The following IGFBP7 variants were observed in gnomAD, a reference collection of about 807,000 sequenced individuals.
IGFBP7 encodes insulin like growth factor binding protein 7, also known as insulin-like growth factor-binding protein 7.
IGFBP7 carries 31 observed loss-of-function variants against 29.4 expected under a neutral mutation model. The observed-to-expected ratio is 1.05, with a 90% confidence interval of 0.79 to 1.42. IGFBP7 has a LOEUF of 1.42. Ranked by LOEUF, IGFBP7 falls within the 40% of genes most tolerant of loss-of-function variation. The pLI is 0.00. For synonymous variants in IGFBP7, 172 were observed against 174.9 expected (o/e 0.98, Z 0.13); for missense variants, 393 against 395.5 (o/e 0.99, Z 0.05).
chr4:57,053,026 T>C (rs1408463114), intron 1 of IGFBP7, among the ~76,000 whole-genome samples: 1 of 151,572 alleles, frequency 6.6e-6, no homozygotes, highest in African/African-American at 2.4e-5. Flanking sequence ...TATCTTTTTT[T>C]TTTTTTTTGA....
chr4:57,055,833 G>A (rs2109760228), intron 1 of IGFBP7, among the ~76,000 whole-genome samples: 1 of 152,126 alleles, frequency 6.6e-6, no homozygotes, highest in East Asian at 1.9e-4. Context: ...CTCATTTCTG[G>A]TCCGATTGCC....
chr4:57,088,393 G>C (rs11722333), intron 1 of IGFBP7, among the ~76,000 whole-genome samples: 69,286 of 151,944 alleles, frequency 0.46, 17,401 homozygotes, highest in Admixed American at 0.59. Flanking sequence ...AAAATATTGA[G>C]GTTCCGACCA....
intron 1 of IGFBP7, among the ~76,000 whole-genome samples, chr4:57,050,310 T>C (rs1410720385): frequency 6.6e-6 from 1 of 150,872 alleles, no homozygotes; most frequent in Admixed American, 6.6e-5. Flanking sequence ...AGTTGTGCAA[T>C]CTCGGCTCAC....
At chr4:57,052,367 AC>A (rs2109756020) in intron 1 of IGFBP7, among the ~76,000 whole-genome samples, 1 of 152,232 alleles carries the variant, frequency 6.6e-6, no homozygotes, top group Non-Finnish European at 1.5e-5. Context: ...GAAAGGGTGG[AC>A]TTGGGTTTAA....
Position 57,110,362 on chromosome 4 carries a change from G to C in IGFBP7, c.-11C>G. On this transcript the variant is annotated 5_prime_UTR_variant, in exon 1 of 5. Transcript: ENST00000295666. Reference sequence around the variant, plus strand: ...CGACGGCCGCTCCATGGCGGGGTGCGGTGGCAGCGGCAAGGGCGCGAGTGA... The same window carrying C: ...CGACGGCCGCTCCATGGCGGGGTGCCGTGGCAGCGGCAAGGGCGCGAGTGA... 1 of 1,337,620 alleles carries C rather than the reference G, an allele frequency of 7.5e-7. No homozygotes were observed. Among genetic ancestry groups the C allele is most frequent in the Non-Finnish European group, 9.6e-7 (1 of 1,044,912 alleles). The allele number at this position is 1,337,620 out of a possible 1,614,324, so 82.9% of individuals were successfully genotyped here. A position where few individuals can be genotyped will look rare whatever the true frequency, so the allele number is the denominator to read the frequency against.
At chr4:57,048,677 A>AT (rs1296711612) in intron 1 of IGFBP7, among the ~76,000 whole-genome samples, 1 of 152,232 alleles carries the variant, frequency 6.6e-6, no homozygotes, top group Non-Finnish European at 1.5e-5. Context: ...GTGTTATCCT[A>AT]TAAAAAGCAC....
At chr4:57,080,864 A>G (rs921789631) in intron 1 of IGFBP7, among the ~76,000 whole-genome samples, 4 of 152,238 alleles carry the variant, frequency 2.6e-5, no homozygotes, top group Admixed American at 6.5e-5. Context: ...ACCACCAATG[A>G]AAGTGTGTTG....
chr4:57,108,705 C>CTAA (rs1379794746), intron 1 of IGFBP7, among the ~76,000 whole-genome samples: 3 of 151,894 alleles, frequency 2.0e-5, no homozygotes, highest in Non-Finnish European at 2.9e-5. Context: ...CCATGCCCAG[C>CTAA]TAATGTATAT....
intron 1 of IGFBP7, among the ~76,000 whole-genome samples, chr4:57,106,419 G>A (rs566385975): frequency 1.2e-4 from 18 of 152,218 alleles, no homozygotes; most frequent in African/African-American, 3.6e-4. Flanking sequence ...GGTGAGAGGC[G>A]TTGCAGGCAG....
chr4:57,093,121 A>G (rs1001947041), intron 1 of IGFBP7, among the ~76,000 whole-genome samples: 1 of 152,224 alleles, frequency 6.6e-6, no homozygotes, highest in African/African-American at 2.4e-5. Context: ...TTTAGTGAAA[A>G]TAAAATGAAA....
At chr4:57,074,172 T>C (rs1002466621) in intron 1 of IGFBP7, among the ~76,000 whole-genome samples, 1 of 152,200 alleles carries the variant, frequency 6.6e-6, no homozygotes, top group Non-Finnish European at 1.5e-5. Context: ...GCGATTCTCC[T>C]GTCTCAGCCT....
chr4:57,063,320 A>G (rs1724841884), intron 1 of IGFBP7, among the ~76,000 whole-genome samples: 1 of 152,134 alleles, frequency 6.6e-6, no homozygotes, highest in Non-Finnish European at 1.5e-5. Flanking sequence ...CATTTTCACA[A>G]TGCATTGAAA....
intron 2 of IGFBP7, among the ~76,000 whole-genome samples, chr4:57,038,572 C>G (rs1297478198): frequency 6.6e-6 from 1 of 152,156 alleles, no homozygotes; most frequent in Non-Finnish European, 1.5e-5. Flanking sequence ...TCTCCGGTCA[C>G]ACAGAGAGCA....
chr4:57,044,680 G>A (rs371936216), intron 1 of IGFBP7, among the ~76,000 whole-genome samples: 13 of 150,672 alleles, frequency 8.6e-5, no homozygotes, highest in South Asian at 2.1e-4. Flanking sequence ...ATATGTGTGC[G>A]TCTATTTCTG....
At chr4:57,101,682 C>T (rs1725899563) in intron 1 of IGFBP7, among the ~76,000 whole-genome samples, 1 of 152,032 alleles carries the variant, frequency 6.6e-6, no homozygotes, top group South Asian at 2.1e-4. Flanking sequence ...AATAAGTAAA[C>T]GTTTCCCCCC....
rs150758902 is a variant in IGFBP7, at chr4:57,096,608, T to C, written c.475+13269A>G. ...CTGCTTTAGAAGGTGATAGAGTGCATAGTATATGGTGAGTCAGTAGTCCCA... is the reference window on the plus strand; with the variant it reads ...CTGCTTTAGAAGGTGATAGAGTGCACAGTATATGGTGAGTCAGTAGTCCCA... On this transcript the variant is annotated intron_variant, in intron 1 of 4. Coordinates refer to ENST00000295666, the MANE Select transcript of IGFBP7 (RefSeq NM_001553.3). 2.2e-3 allele frequency among the ~76,000 whole-genome samples: 329 copies of C among 152,226 alleles called. 1 individual carries two copies. The highest frequency in any genetic ancestry group is 7.3e-3 in the African/African-American group (304 of 41,528).
intron 1 of IGFBP7, among the ~76,000 whole-genome samples, chr4:57,087,729 T>C (rs576323055): frequency 6.6e-6 from 1 of 152,354 alleles, no homozygotes; most frequent in South Asian, 2.1e-4. Context: ...GGCTTTCAAA[T>C]CTGTGACTTC....
At chr4:57,079,432 A>G (rs963519566) in intron 1 of IGFBP7, among the ~76,000 whole-genome samples, 2 of 152,214 alleles carry the variant, frequency 1.3e-5, no homozygotes, top group African/African-American at 2.4e-5. Flanking sequence ...AGCCTTGCTT[A>G]TCTCTGTGTT....
intron 1 of IGFBP7, among the ~76,000 whole-genome samples, chr4:57,091,236 T>C (rs904487620): frequency 4.6e-5 from 7 of 152,234 alleles, no homozygotes; most frequent in African/African-American, 1.4e-4. Context: ...ACTGTGGAAA[T>C]GCAGAGTATT....
Sources: gnomAD v4.1 joint callset for allele counts (sites outside exome capture counted in the v4.1 genomes callset) on GRCh38, gnomAD v4.1.1 for gene constraint, MANE v1.5 for transcripts, NCBI Gene and HGNC (gene_info 2026-07-23, HGNC 2026-07-21) for gene names.